The following TFB1M variants were observed in gnomAD, a reference collection of about 807,000 sequenced individuals.
TFB1M encodes the protein transcription factor B1, mitochondrial.
In TFB1M, 27 loss-of-function variants were observed where a neutral mutation model predicts 31.1. The ratio of observed to expected loss-of-function variants is 0.87; its 90% CI spans 0.64 to 1.20. The LOEUF (loss-of-function observed/expected upper bound fraction) is 1.20, where lower values mean the gene tolerates loss of function less well. TFB1M is among the 50% of genes most tolerant of loss of function. The pLI, the probability that TFB1M is intolerant of heterozygous loss-of-function variation, is 0.00. For missense variants in TFB1M, 394 were observed against 418.7 expected (o/e 0.94, Z 0.51); for synonymous variants, 166 against 151.8 (o/e 1.09, Z -0.69).
At chr6:155,275,534 G>T in intron 5 of TFB1M, 1 of 613,714 alleles carries the variant, frequency 1.6e-6, no homozygotes, top group Non-Finnish European at 2.9e-6. Context: ...ACTCAGATGT[G>T]TTCTTGGCTC....
intron 5 of TFB1M, among the ~76,000 whole-genome samples, chr6:155,267,296 T>A (rs1412091141): frequency 6.6e-6 from 1 of 152,192 alleles, no homozygotes. Context: ...TGCTTCTTGA[T>A]GAAAGGGTCA....
At chr6:155,266,914 G>C (rs1341665980) in intron 5 of TFB1M, among the ~76,000 whole-genome samples, 1 of 146,840 alleles carries the variant, frequency 6.8e-6, no homozygotes, top group Admixed American at 6.8e-5. Context: ...AGACATTAAA[G>C]CATAGTCTGG....
rs139499957 is a variant in TFB1M at position 155,261,393 on chromosome 6, T to C, written c.667-993A>G. ...CCACTGCTTTTCAAAAGGAACTCCA[T>C]TGTTGAAATCCCATAGAGGTTGTCA... On this transcript the variant is annotated intron_variant, in intron 5 of 6. Transcript: ENST00000367166. 8.3e-3 allele frequency among the ~76,000 whole-genome samples: 1,260 copies of C among 152,134 alleles called. 17 individuals carry two copies. Among genetic ancestry groups the C allele is most frequent in the African/African-American group, 0.029 (1,200 of 41,510 alleles).
At chr6:155,313,539 A>T (rs1778109987) in intron 1 of TFB1M, among the ~76,000 whole-genome samples, 1 of 152,204 alleles carries the variant, frequency 6.6e-6, no homozygotes. Context: ...CTCATAGAAC[A>T]TCACTAAGCA....
chr6:155,254,183 GA>G, downstream of TFB1M: 3 of 1,155,568 alleles, frequency 2.6e-6, no homozygotes, highest in Non-Finnish European at 3.6e-6. Context: ...CCCACCCTCC[GA>G]AAAAGGCAAC....
At chr6:155,233,187 T>C in the TFB1M span, among the ~76,000 whole-genome samples, 11 of 152,220 alleles carry the variant, frequency 7.2e-5, no homozygotes, top group Non-Finnish European at 1.6e-4. Flanking sequence ...GTGATGTACC[T>C]ACCCCGTAGT....
Position 155,278,831 on chromosome 6 carries a change from C to T in TFB1M, c.666+6327G>A, listed in dbSNP as rs148887063. ...GAATGGCATCTACCCTCAGAGTTCT[C>T]GTGGGGATTAAATGAGATGATACAC... On this transcript the variant is annotated intron_variant, in intron 5 of 6. Coordinates refer to ENST00000367166, the MANE Select transcript of TFB1M (RefSeq NM_016020.4). Among the ~76,000 whole-genome samples the T allele has an allele frequency of 9.2e-5, 14 of 152,256 alleles. No individual in the cohort carries two copies. In the East Asian group the frequency reaches 1.7e-3, roughly 19 times the overall value.
At chr6:155,303,218 G>C (rs9397803) in intron 2 of TFB1M, 80,938 of 152,016 alleles carry the variant, frequency 0.53, 22,384 homozygotes, top group East Asian at 0.81. Context: ...CAATGTATAG[G>C]GATGCTATAT....
chr6:155,301,489 T>C (rs548068452), intron 2 of TFB1M, among the ~76,000 whole-genome samples: 10 of 152,332 alleles, frequency 6.6e-5, no homozygotes, highest in Non-Finnish European at 1.5e-4. Context: ...ATCACTATTA[T>C]ATGCATTCGA....
At chr6:155,235,465 A>C in the TFB1M span, among the ~76,000 whole-genome samples, 1 of 152,314 alleles carries the variant, frequency 6.6e-6, no homozygotes, top group Admixed American at 6.5e-5. Flanking sequence ...CCAGATAATC[A>C]CTATTCCTAT....
chr6:155,249,833 T>A, the TFB1M span: 1 of 1,583,402 alleles, frequency 6.3e-7, no homozygotes, highest in Non-Finnish European at 8.6e-7. Context: ...GAAATAAATA[T>A]GATTTCATAT....
the TFB1M span, chr6:155,244,936 CAGGTGGT>C: frequency 9.8e-7 from 1 of 1,015,406 alleles, no homozygotes; most frequent in Non-Finnish European, 1.3e-6. Context: ...TTTCCTCTGT[CAGGTGGT>C]AAAGGAAGGC....
At chr6:155,276,325 C>G (rs1460511661) in intron 5 of TFB1M, 5 of 1,613,700 alleles carry the variant, frequency 3.1e-6, no homozygotes, top group Non-Finnish European at 4.2e-6. Flanking sequence ...AGCAGCCTAT[C>G]TCTAACACAC....
At position 155,314,281 on chromosome 6, in the gene TFB1M, T is replaced by C; in HGVS notation, c.133+15A>G. On this transcript the variant is annotated intron_variant, in intron 1 of 6. Transcript: ENST00000367166. ...CACTGGGGAGACATCCGGGGAGCAC[T>C]GCTAAGCCATCCACCTGTCAGCCTC... 6.2e-7 allele frequency: 1 copy of C among 1,613,494 alleles called. No individual in the cohort carries two copies. The highest frequency in any genetic ancestry group is 8.5e-7 in the Non-Finnish European group (1 of 1,179,676).
intron 2 of TFB1M, among the ~76,000 whole-genome samples, chr6:155,302,460 C>T (rs1258504982): frequency 1.3e-5 from 2 of 152,076 alleles, no homozygotes; most frequent in African/African-American, 4.8e-5. Context: ...TAAGATGTTA[C>T]AGCAGACTTT....
At chr6:155,260,571 G>T in intron 5 of TFB1M, 171 bp from the exon 6 acceptor site, 1 of 800,064 alleles carries the variant, frequency 1.2e-6, no homozygotes, top group Non-Finnish European at 2.1e-6. Flanking sequence ...GGTACATTCT[G>T]GATTCGCAAA....
At chr6:155,290,665 G>A (rs953819314) in intron 4 of TFB1M, among the ~76,000 whole-genome samples, 1 of 152,060 alleles carries the variant, frequency 6.6e-6, no homozygotes, top group East Asian at 1.9e-4. Context: ...CTGAGTCACC[G>A]AAAATATTAC....
chr6:155,299,709 T>C (rs1174694342), intron 2 of TFB1M, among the ~76,000 whole-genome samples: 1 of 152,198 alleles, frequency 6.6e-6, no homozygotes, highest in African/African-American at 2.4e-5. Flanking sequence ...GAGCCTACCT[T>C]GGTCCTAATT....
intron 5 of TFB1M, among the ~76,000 whole-genome samples, chr6:155,271,065 C>T (rs1310214763): frequency 6.6e-6 from 1 of 152,164 alleles, no homozygotes; most frequent in Non-Finnish European, 1.5e-5. Flanking sequence ...CAATGCAAAA[C>T]TTAGGATTAA....
Sources: gnomAD v4.1 joint callset for allele counts (sites outside exome capture counted in the v4.1 genomes callset) on GRCh38, gnomAD v4.1.1 for gene constraint, MANE v1.5 for transcripts, NCBI Gene and HGNC (gene_info 2026-07-23, HGNC 2026-07-21) for gene names.